MTMR2: variants seen among roughly 807,000 people sequenced by gnomAD.
MTMR2 encodes the protein myotubularin related protein 2.
Under a neutral mutation model 86.9 loss-of-function variants are expected in MTMR2, and 55 were observed. The observed-to-expected ratio is 0.63, with a 90% CI of 0.51 to 0.79. The LOEUF is 0.79. Ranked by LOEUF, MTMR2 falls within the 30% of genes least tolerant of loss-of-function variation. The probability of loss-of-function intolerance (pLI) is 0.00; values close to 1 mark genes in which losing one functional copy is unlikely to be tolerated. For synonymous variants in MTMR2, 241 were observed against 266.8 expected (o/e 0.90, Z 0.94); for missense variants, 659 against 772.3 (o/e 0.85, Z 1.74).
Position 95,836,270 on chromosome 11 carries a change from C to A in MTMR2, c.1648G>T (p.Asp550Tyr), listed in dbSNP as rs2135402110. Residue 550 changes from aspartate to tyrosine, a missense_variant, in exon 14 of 15, where the codon GAC (aspartate) becomes TAC (tyrosine). By Grantham distance (160) the Asp-to-Tyr change is radical. This residue lies in a region of MTMR2 where 193 missense variants were observed against 191.6 expected (regional missense o/e 1.01). Transcript: ENST00000346299. Reference sequence around the variant, plus strand: ...CTCCCATAGAGAGGATTAGTGAAGTCTTCCAGCTGGCTGTTTATGTAAGAC... The same window carrying A: ...CTCCCATAGAGAGGATTAGTGAAGTATTCCAGCTGGCTGTTTATGTAAGAC... ...LWSYINSQLE[D>Y]FTNPLYGSYS... The A allele has an allele frequency of 6.2e-7, 1 of 1,613,012 alleles. No individual in the cohort carries two copies. Among genetic ancestry groups the A allele is most frequent in the Non-Finnish European group, 8.5e-7 (1 of 1,179,232 alleles).
At chr11:95,847,650 A>C in intron 10 of MTMR2, 64 bp downstream of exon 10, 1 of 1,432,002 alleles carries the variant, frequency 7.0e-7, no homozygotes, top group Non-Finnish European at 9.8e-7. Flanking sequence ...ATTATAAGTA[A>C]AAAGCTAATA....
intron 2 of MTMR2, among the ~76,000 whole-genome samples, chr11:95,877,808 T>C (rs927056937): frequency 1.1e-4 from 17 of 151,986 alleles, no homozygotes; most frequent in African/African-American, 2.9e-4. Context: ...AGGTATGGAA[T>C]AGATTCTCCC....
At chr11:95,889,835 A>C (rs1865650873) in intron 1 of MTMR2, among the ~76,000 whole-genome samples, 1 of 152,186 alleles carries the variant, frequency 6.6e-6, no homozygotes, top group South Asian at 2.1e-4. Flanking sequence ...ATGGTAGAAA[A>C]ACCTCAAATA....
Position 95,857,544 on chromosome 11 carries a change from G to A in MTMR2, c.654+8C>T. The A allele has an allele frequency of 3.8e-6, 6 of 1,591,166 alleles. No individual in the cohort carries two copies. Among genetic ancestry groups the A allele is most frequent in the Non-Finnish European group, 5.2e-6 (6 of 1,159,386 alleles). ...AATACTAAAATTGAAAGAGAAGAAAGTACATACCTGCCTTCTATACTCTAA... is the reference window on the plus strand; with the variant it reads ...AATACTAAAATTGAAAGAGAAGAAAATACATACCTGCCTTCTATACTCTAA... On this transcript the variant is annotated splice_region_variant and intron_variant, in intron 7 of 14. Transcript: ENST00000346299.
At position 95,861,973 on chromosome 11, in the gene MTMR2, T is replaced by C. The variant is rs770975423; in HGVS notation, c.468+19A>G. ...GCTTTTCAAACCAAAGAAAATCACATACATATTATAACATTTACCTTACAC... is the reference window on the plus strand; with the variant it reads ...GCTTTTCAAACCAAAGAAAATCACACACATATTATAACATTTACCTTACAC... On this transcript the variant is annotated intron_variant, in intron 5 of 14. Coordinates refer to ENST00000346299, the MANE Select transcript of MTMR2 (RefSeq NM_016156.6). 2 of 1,527,836 alleles carry C rather than the reference T, an allele frequency of 1.3e-6. No homozygotes were observed. Among genetic ancestry groups the C allele is most frequent in the Non-Finnish European group, 1.8e-6 (2 of 1,105,160 alleles). The allele number at this position is 1,527,836 out of a possible 1,614,324, so 94.6% of individuals were successfully genotyped here. A position where few individuals can be genotyped will look rare whatever the true frequency, so the allele number is the denominator to read the frequency against.
At chr11:95,870,733 T>TTTC (rs1565364192) in intron 2 of MTMR2, among the ~76,000 whole-genome samples, 1 of 144,722 alleles carries the variant, frequency 6.9e-6, no homozygotes, top group African/African-American at 2.5e-5. Flanking sequence ...CTTTTTTTCT[T>TTTC]TTTCTTTTTT....
chr11:95,891,233 T>A (rs946047363), intron 1 of MTMR2, among the ~76,000 whole-genome samples: 2 of 152,102 alleles, frequency 1.3e-5, no homozygotes, highest in Non-Finnish European at 1.5e-5. Context: ...GGTGGATCAC[T>A]TCAGCCCAGG....
chr11:95,919,460 T>TA (rs778396711), intron 1 of MTMR2, among the ~76,000 whole-genome samples: 122 of 152,216 alleles, frequency 8.0e-4, no homozygotes, highest in Middle Eastern at 6.8e-3. Flanking sequence ...TAAAACCAAA[T>TA]AATCTGGGAT....
chr11:95,849,213 C>T (rs1371258997), intron 9 of MTMR2, among the ~76,000 whole-genome samples: 5 of 151,962 alleles, frequency 3.3e-5, no homozygotes, highest in Admixed American at 1.3e-4. Flanking sequence ...ACTGCCAATT[C>T]TTCAGTCTGA....
intron 6 of MTMR2, 25 bp from the exon 7 acceptor site, chr11:95,857,660 G>C: frequency 6.9e-7 from 1 of 1,450,644 alleles, no homozygotes; most frequent in Non-Finnish European, 9.7e-7. Flanking sequence ...ACAATGGTAA[G>C]AGCTAAAAAA....
chr11:95,895,670 T>C (rs1335212349), intron 1 of MTMR2, among the ~76,000 whole-genome samples: 1 of 152,054 alleles, frequency 6.6e-6, no homozygotes, highest in African/African-American at 2.4e-5. Context: ...TAAAATGGTA[T>C]AGCCACTTTG....
Position 95,915,999 on chromosome 11 carries a change from A to T in MTMR2, c.80+7876T>A, listed in dbSNP as rs560766291. 1.0e-3 allele frequency among the ~76,000 whole-genome samples: 152 copies of T among 152,290 alleles called. 1 individual carries two copies. Among genetic ancestry groups the T allele is most frequent in the African/African-American group, 3.5e-3 (146 of 41,562 alleles). ...ACAAGACACAAAAAAATAGAAAGCT[A>T]AACTCAAGAGTTCAGAGTGCTCCAA... On this transcript the variant is annotated intron_variant, in intron 1 of 14. Coordinates refer to ENST00000346299, the MANE Select transcript of MTMR2 (RefSeq NM_016156.6).
chr11:95,913,973 T>G (rs780804563), intron 1 of MTMR2, among the ~76,000 whole-genome samples: 2 of 152,088 alleles, frequency 1.3e-5, no homozygotes, highest in Non-Finnish European at 2.9e-5. Context: ...AACTGCAAAT[T>G]GCTAAGGAGG....
chr11:95,868,273 T>TAAAAAAAA (rs555618890), intron 2 of MTMR2, among the ~76,000 whole-genome samples: 4 of 42,220 alleles, frequency 9.5e-5, no homozygotes, highest in Non-Finnish European at 1.6e-4. Context: ...GACCCTGTGC[T>TAAAAAAAA]AAAAAAAAAA....
At chr11:95,868,638 T>C (rs1386721057) in intron 2 of MTMR2, among the ~76,000 whole-genome samples, 5 of 152,098 alleles carry the variant, frequency 3.3e-5, no homozygotes, top group African/African-American at 1.2e-4. Context: ...TAATTGATGT[T>C]GATCAGAAGA....
rs116066541 is a variant in MTMR2 at position 95,882,096 on chromosome 11, T to C, written c.186+6060A>G. On this transcript the variant is annotated intron_variant, in intron 2 of 14. Transcript: ENST00000346299. ...CTCTATTAAAATAATCATTATGTGATAGACACTGTTTACTATCTAACATAA... is the reference window on the plus strand; with the variant it reads ...CTCTATTAAAATAATCATTATGTGACAGACACTGTTTACTATCTAACATAA... Among the ~76,000 whole-genome samples, 870 of 152,350 alleles carry C rather than the reference T, an allele frequency of 5.7e-3. 4 individuals are homozygous for C. The highest frequency in any genetic ancestry group is 7.7e-3 in the Non-Finnish European group (527 of 68,030).
intron 2 of MTMR2, among the ~76,000 whole-genome samples, chr11:95,872,084 G>C (rs1025208433): frequency 1.3e-5 from 2 of 152,262 alleles, no homozygotes; most frequent in East Asian, 1.9e-4. Context: ...TTTTGGCTTA[G>C]GATTGACTTG....
intron 1 of MTMR2, among the ~76,000 whole-genome samples, chr11:95,909,019 C>T (rs984368414): frequency 1.3e-5 from 2 of 152,102 alleles, no homozygotes; most frequent in Non-Finnish European, 2.9e-5. Flanking sequence ...GTTTTCTTTC[C>T]ACCATAAGAT....
intron 1 of MTMR2, among the ~76,000 whole-genome samples, chr11:95,913,366 T>C (rs188501926): frequency 1.3e-5 from 2 of 152,272 alleles, no homozygotes; most frequent in South Asian, 2.1e-4. Flanking sequence ...CTAACATTTA[T>C]TGTGCTTTGG....
Sources: gnomAD v4.1 joint callset for allele counts (sites outside exome capture counted in the v4.1 genomes callset) on GRCh38, gnomAD v4.1.1 for gene constraint, gnomAD v4.1.1 regional missense constraint, MANE v1.5 for transcripts, NCBI Gene and HGNC (gene_info 2026-07-23, HGNC 2026-07-21) for gene names.